The following XIRP2 variants were observed in gnomAD, a reference collection of about 807,000 sequenced individuals.
XIRP2 encodes xin actin-binding repeat-containing protein 2.
In XIRP2, 236 loss-of-function variants were observed where a neutral mutation model predicts 277.0. The ratio of observed to expected loss-of-function variants is 0.85; its 90% CI spans 0.77 to 0.95. The LOEUF is 0.95. XIRP2 is among the 40% of genes least tolerant of loss of function. The pLI, the probability that XIRP2 is intolerant of heterozygous loss-of-function variation, is 0.00. For missense variants in XIRP2, 4,640 were observed against 4,157.5 expected (o/e 1.12, Z -3.19); for synonymous variants, 1,490 against 1,416.5 (o/e 1.05, Z -1.17).
chr2:167,096,515 A>G (rs138859462), intron 2 of XIRP2, among the ~76,000 whole-genome samples: 2,190 of 151,996 alleles, frequency 0.014, 57 homozygotes, highest in African/African-American at 0.051. Flanking sequence ...GAATTCATTG[A>G]CTTTTTGAAG....
At chr2:167,224,881 A>G (rs1338945124) in intron 5 of XIRP2, among the ~76,000 whole-genome samples, 1 of 152,172 alleles carries the variant, frequency 6.6e-6, no homozygotes, top group African/African-American at 2.4e-5. Context: ...CTGGGAGATA[A>G]TAGTTTTTTA....
chr2:167,206,358 G>A (rs989511556), intron 3 of XIRP2, among the ~76,000 whole-genome samples: 1 of 151,676 alleles, frequency 6.6e-6, no homozygotes, highest in Admixed American at 6.6e-5. Flanking sequence ...TTCCATCTTC[G>A]CCATATTTCA....
chr2:166,913,101 T>A (rs1447782662), intron 2 of XIRP2, among the ~76,000 whole-genome samples: 1 of 152,182 alleles, frequency 6.6e-6, no homozygotes, highest in African/African-American at 2.4e-5. Flanking sequence ...TCAAACTCCG[T>A]GCTGGGAGAA....
intron 2 of XIRP2, among the ~76,000 whole-genome samples, chr2:166,907,915 T>A: frequency 6.6e-6 from 1 of 152,094 alleles, no homozygotes; most frequent in East Asian, 1.9e-4. Flanking sequence ...GTTTCCAGCT[T>A]CATCTGTGTC....
At chr2:167,218,332 G>T in intron 5 of XIRP2, 32 bp downstream of exon 5, 2 of 1,404,504 alleles carry the variant, frequency 1.4e-6, no homozygotes, top group Non-Finnish European at 9.4e-7. Flanking sequence ...GGTAAATCAG[G>T]CATGGTTGAA....
chr2:167,207,527 A>G (rs555028733), intron 3 of XIRP2, among the ~76,000 whole-genome samples: 3 of 152,274 alleles, frequency 2.0e-5, no homozygotes, highest in East Asian at 1.9e-4. Context: ...TATTGTACCA[A>G]TGTGTGTTTT....
Position 167,135,942 on chromosome 2 carries a change from G to T in XIRP2, c.442G>T (p.Ala148Ser), listed in dbSNP as rs1283241776. 4.4e-6 allele frequency: 7 copies of T among 1,605,262 alleles called. No individual in the cohort carries two copies. Among genetic ancestry groups the T allele is most frequent in the Non-Finnish European group, 6.0e-6 (7 of 1,176,124 alleles). The change falls in exon 3 of 11, where the codon GCT (alanine) becomes TCT (serine). Residue 148 changes from alanine to serine, a missense_variant. Transcript: ENST00000409195. Reference sequence around the variant, plus strand: ...AATTGAGCGAAGTTTGTGCTCGCCAGCTTTTAAGAGTCACCCTGGGAGCCA... The same window carrying T: ...AATTGAGCGAAGTTTGTGCTCGCCATCTTTTAAGAGTCACCCTGGGAGCCA... The part of the protein sequence containing the change: ...VEIERSLCSP[A>S]FKSHPGSQLE...
At position 167,233,108 on chromosome 2, in the gene XIRP2, C is replaced by T. The variant is rs142752000; in HGVS notation, c.859-6747C>T. On this transcript the variant is annotated intron_variant, in intron 5 of 10. Transcript: ENST00000409195. ...TCAGGTGAAAGATGATTAAGAAAGA[C>T]ATCTGATGAGGGAGAATGTTTCAGC... Among the ~76,000 whole-genome samples, 239 of 151,992 alleles carry T rather than the reference C, an allele frequency of 1.6e-3. 4 individuals carry two copies. In the East Asian group the frequency reaches 0.021, roughly 13 times the overall value.
At position 167,056,974 on chromosome 2, in the gene XIRP2, G is replaced by T. The variant is rs562547325; in HGVS notation, c.409-78935G>T. 3.3e-5 allele frequency among the ~76,000 whole-genome samples: 5 copies of T among 152,212 alleles called. No homozygotes were observed. In the South Asian group the frequency reaches 1.0e-3, roughly 32 times the overall value. ...ACATTGAAAACTTGTTTACTCTTGG[G>T]CAGTTTAACTTTTCTTTCTGTTTCC... is the stretch of plus-strand genomic sequence containing the variant. On this transcript the variant is annotated intron_variant, in intron 2 of 10. Transcript: ENST00000409195.
At chr2:166,945,896 T>C (rs1052244678) in intron 2 of XIRP2, among the ~76,000 whole-genome samples, 2 of 152,070 alleles carry the variant, frequency 1.3e-5, no homozygotes, top group Non-Finnish European at 2.9e-5. Context: ...TTGATCAGGC[T>C]GGTCTCGAAC....
intron 3 of XIRP2, among the ~76,000 whole-genome samples, chr2:167,170,894 C>T (rs911844365): frequency 5.0e-4 from 46 of 92,700 alleles, no homozygotes; most frequent in African/African-American, 1.8e-3. Context: ...TGCCTTTCTT[C>T]TTTTTTTTTT....
intron 2 of XIRP2, among the ~76,000 whole-genome samples, chr2:167,118,423 A>G (rs1167366145): frequency 6.6e-6 from 1 of 151,824 alleles, no homozygotes; most frequent in Non-Finnish European, 1.5e-5. Flanking sequence ...TGGAGGTTGC[A>G]GTGAGCCAAG....
rs749796972 is a variant in XIRP2, at chr2:167,248,091, T to A, written c.6699T>A (p.Asn2233Lys). The stretch of plus-strand genomic sequence containing the variant: ...TGAAAGTCTCTGAAAAAAGTCACAA[T>A]ACATTTAAGGCAACCAACAAAAAGC... Reference protein sequence around the residue: ...TEMKVSEKSHNTFKATNKKRE... With the variant: ...TEMKVSEKSHKTFKATNKKRE... The change falls in exon 9 of 11, where the codon AAT becomes AAA. Residue 2233 changes from asparagine to lysine, a missense_variant. Transcript: ENST00000409195. 3 of 1,613,284 alleles carry A rather than the reference T, an allele frequency of 1.9e-6. No individual in the cohort carries two copies. The highest frequency in any genetic ancestry group is 2.7e-5 in the African/African-American group (2 of 74,800).
intron 2 of XIRP2, among the ~76,000 whole-genome samples, chr2:166,966,291 T>G (rs1686431162): frequency 6.6e-6 from 1 of 151,830 alleles, no homozygotes; most frequent in Non-Finnish European, 1.5e-5. Context: ...AATTACTTAT[T>G]TGAAAACCAA....
chr2:167,247,213 A>C lies in XIRP2; in HGVS notation c.5821A>C (p.Lys1941Gln). The change falls in exon 9 of 11, where the codon AAA (lysine) becomes CAA (glutamine). Residue 1941 changes from lysine (K) to glutamine (Q), a missense_variant. By Grantham distance (53) the Lys-to-Gln change is moderately conservative. Transcript: ENST00000409195. The stretch of plus-strand genomic sequence containing the variant: ...ACAAAGAAGTTTCAAAGAGGTACAT[A>C]AAGAAGGTGTAATAAAAAAAGATGC... ...EAQRSFKEVHKEGVIKKDAKA... is the reference protein window; with the variant it reads ...EAQRSFKEVHQEGVIKKDAKA... 1.2e-6 allele frequency: 2 copies of C among 1,613,634 alleles called. No homozygotes were observed. Among genetic ancestry groups the C allele is most frequent in the Non-Finnish European group, 1.7e-6 (2 of 1,179,816 alleles).
rs750604401 is a variant in XIRP2 at position 167,250,965 on chromosome 2, G to C, written c.9573G>C (p.Lys3191Asn). The change falls in exon 9 of 11, where the codon AAG becomes AAC. Residue 3191 changes from lysine to asparagine, a missense_variant. Lys to Asn is a moderately conservative substitution (Grantham distance 94). Transcript: ENST00000409195. ...TCAGACTCAAAGACACCACTGCAAA[G>C]TTATCCAAAGGGGCCATCCCATGTC... is the stretch of plus-strand genomic sequence containing the variant. ...QLVRLKDTTAKLSKGAIPCPA... is the reference protein window; with the variant it reads ...QLVRLKDTTANLSKGAIPCPA... 1 of 1,613,630 alleles carries C rather than the reference G, an allele frequency of 6.2e-7. No homozygotes were observed. The highest frequency in any genetic ancestry group is 8.5e-7 in the Non-Finnish European group (1 of 1,179,736).
At position 167,258,973 on chromosome 2, in the gene XIRP2, G is replaced by T; in HGVS notation, c.*1156G>T. On this transcript the variant is annotated 3_prime_UTR_variant, in exon 11 of 11. Transcript: ENST00000409195. ...TCAGCAGAGGCCTTATGGTAAAGGG[G>T]GGAAGTTCAATCATCTCTCCTGATA... 6.2e-7 allele frequency: 1 copy of T among 1,612,194 alleles called. No individual in the cohort carries two copies.
intron 2 of XIRP2, among the ~76,000 whole-genome samples, chr2:167,134,780 A>G (rs1007028497): frequency 4.6e-5 from 7 of 152,348 alleles, no homozygotes; most frequent in African/African-American, 1.7e-4. Context: ...ACTATGCTGT[A>G]ATAAAAGTTA....
chr2:167,245,847 T>C lies in XIRP2; in HGVS notation c.4455T>C (p.Gly1485=). ...KTVTQEDVQK[G]DVKQAVWLFE... ...TCACTCAGGAAGATGTGCAGAAAGG[T>C]GATGTTAAGCAGGCTGTGTGGCTTT... Residue 1485 remains glycine, a synonymous_variant, in exon 9 of 11, where the codon GGT becomes GGC. Coordinates refer to ENST00000409195, the MANE Select transcript of XIRP2 (RefSeq NM_152381.6). 1 of 1,613,562 alleles carries C rather than the reference T, an allele frequency of 6.2e-7. No homozygotes were observed. Among genetic ancestry groups the C allele is most frequent in the Non-Finnish European group, 8.5e-7 (1 of 1,179,738 alleles).
Sources: gnomAD v4.1 joint callset for allele counts (sites outside exome capture counted in the v4.1 genomes callset) on GRCh38, gnomAD v4.1.1 for gene constraint, MANE v1.5 for transcripts, NCBI Gene and HGNC (gene_info 2026-07-23, HGNC 2026-07-21) for gene names.